The following UNC5D variants were observed in gnomAD, a reference collection of about 807,000 sequenced individuals.
UNC5D encodes the protein netrin receptor UNC5D.
Under a neutral mutation model 105.4 loss-of-function variants are expected in UNC5D, and 39 were observed. That is an observed-to-expected ratio of 0.37 (90% CI 0.29 to 0.48). The LOEUF is 0.48. Among genes scored for constraint, UNC5D ranks in the 20% least tolerant of loss-of-function variants. UNC5D has a pLI of 0.98. For missense variants in UNC5D, 991 were observed against 1,202.4 expected (o/e 0.82, Z 2.60); for synonymous variants, 452 against 450.4 (o/e 1.00, Z -0.04).
chr8:35,296,855 A>G lies in UNC5D; in HGVS notation c.103+60968A>G, dbSNP rs1563289982. Among the ~76,000 whole-genome samples, 3 of 152,192 alleles carry G rather than the reference A, an allele frequency of 2.0e-5. 1 individual carries two copies. Among genetic ancestry groups the G allele is most frequent in the African/African-American group, 7.2e-5 (3 of 41,454 alleles). On this transcript the variant is annotated intron_variant, in intron 1 of 16. Coordinates refer to ENST00000404895, the MANE Select transcript of UNC5D (RefSeq NM_080872.4). ...CTCTCCCTTATACACAACACCACTC[A>G]TTGTACTGTGATACCCATATTTTTA...
intron 4 of UNC5D, among the ~76,000 whole-genome samples, chr8:35,626,509 G>T (rs1821707733): frequency 6.6e-6 from 1 of 152,258 alleles, no homozygotes; most frequent in African/African-American, 2.4e-5. Context: ...GAATGAAAAT[G>T]ATTAATTAGA....
chr8:35,684,659 C>A lies in UNC5D; in HGVS notation c.829C>A (p.Arg277=). ...TGGTAGAGGATGGCAGAAACGTTCC[C>A]GGACCTGCACCAACCCAGCTCCTCT... ...RCGRGWQKRS[R]TCTNPAPLNG... The change falls in exon 6 of 17, where the codon CGG becomes AGG. Residue 277 remains arginine, a synonymous_variant. Coordinates refer to ENST00000404895, the MANE Select transcript of UNC5D (RefSeq NM_080872.4). The A allele has an allele frequency of 3.7e-6, 6 of 1,613,934 alleles. No homozygotes were observed. The highest frequency in any genetic ancestry group is 4.2e-6 in the Non-Finnish European group (5 of 1,179,976).
chr8:35,706,902 A>T (rs1484899162), intron 8 of UNC5D, among the ~76,000 whole-genome samples: 1 of 152,164 alleles, frequency 6.6e-6, no homozygotes, highest in East Asian at 1.9e-4. Flanking sequence ...ATTCTCATAC[A>T]TCAGAAATAT....
intron 15 of UNC5D, 117 bp from the exon 16 acceptor site, chr8:35,774,182 C>A: frequency 1.8e-6 from 2 of 1,137,996 alleles, no homozygotes; most frequent in South Asian, 1.5e-5. Context: ...TAGAGTCCAT[C>A]ACAACAGGCA....
At chr8:35,441,097 C>T (rs971811067) in intron 1 of UNC5D, among the ~76,000 whole-genome samples, 1 of 151,860 alleles carries the variant, frequency 6.6e-6, no homozygotes, top group Non-Finnish European at 1.5e-5. Flanking sequence ...TTTCTTATAC[C>T]AGTAGACCTT....
chr8:35,738,256 T>TCAGTTTTATCATCTAC (rs998977720), intron 11 of UNC5D, among the ~76,000 whole-genome samples: 1 of 152,228 alleles, frequency 6.6e-6, no homozygotes, highest in African/African-American at 2.4e-5. Flanking sequence ...TCTCTAGGCC[T>TCAGTTTTATCATCTAC]CAGTTTTATC....
At chr8:35,329,429 G>T (rs1295989046) in intron 1 of UNC5D, among the ~76,000 whole-genome samples, 1 of 138,760 alleles carries the variant, frequency 7.2e-6, no homozygotes, top group Non-Finnish European at 1.6e-5. Flanking sequence ...ATATATATAT[G>T]GGGAAAAAAA....
intron 1 of UNC5D, among the ~76,000 whole-genome samples, chr8:35,263,941 A>C (rs2128825021): frequency 6.6e-6 from 1 of 152,376 alleles, no homozygotes; most frequent in East Asian, 1.9e-4. Context: ...CAAGTTTATC[A>C]GAAAATAATG....
At chr8:35,772,772 G>A (rs1284503659) in intron 15 of UNC5D, among the ~76,000 whole-genome samples, 1 of 150,474 alleles carries the variant, frequency 6.6e-6, no homozygotes, top group Non-Finnish European at 1.5e-5. Context: ...GTGTTGGCCA[G>A]GGCATGTTCT....
At chr8:35,704,080 C>T (rs546972021) in intron 7 of UNC5D, among the ~76,000 whole-genome samples, 1 of 152,308 alleles carries the variant, frequency 6.6e-6, no homozygotes, top group Admixed American at 6.5e-5. Flanking sequence ...AAAAATCTGA[C>T]TATGATCATA....
chr8:35,607,767 C>T (rs1820402637), intron 4 of UNC5D, among the ~76,000 whole-genome samples: 1 of 151,980 alleles, frequency 6.6e-6, no homozygotes, highest in South Asian at 2.1e-4. Context: ...TGAAGAGGTA[C>T]CTTGCTTCCC....
At chr8:35,551,541 C>T (rs773648419) in intron 2 of UNC5D, among the ~76,000 whole-genome samples, 2 of 152,038 alleles carry the variant, frequency 1.3e-5, no homozygotes, top group East Asian at 1.9e-4. Context: ...CCAGGGGAGC[C>T]GGGTGCGGTG....
chr8:35,301,408 C>G (rs1199118318), intron 1 of UNC5D, among the ~76,000 whole-genome samples: 1 of 152,148 alleles, frequency 6.6e-6, no homozygotes, highest in Non-Finnish European at 1.5e-5. Context: ...GTTATCTAAG[C>G]AAAACCAATT....
At chr8:35,274,133 G>A (rs960098080) in intron 1 of UNC5D, among the ~76,000 whole-genome samples, 1 of 152,076 alleles carries the variant, frequency 6.6e-6, no homozygotes, top group South Asian at 2.1e-4. Context: ...GTTCAAAAGA[G>A]CTTGCTGGTA....
intron 1 of UNC5D, among the ~76,000 whole-genome samples, chr8:35,298,227 T>C (rs1434357647): frequency 6.6e-6 from 1 of 152,188 alleles, no homozygotes; most frequent in African/African-American, 2.4e-5. Context: ...AGTCCCTGGC[T>C]CTTTCCAAGT....
chr8:35,785,887 C>G (rs543142975), intron 16 of UNC5D, among the ~76,000 whole-genome samples: 2 of 152,098 alleles, frequency 1.3e-5, no homozygotes, highest in Non-Finnish European at 2.9e-5. Flanking sequence ...TCCTCATTGG[C>G]CAAGTACTAT....
intron 1 of UNC5D, among the ~76,000 whole-genome samples, chr8:35,348,228 C>CA (rs902699095): frequency 2.2e-4 from 33 of 150,888 alleles, no homozygotes; most frequent in Non-Finnish European, 3.6e-4. Flanking sequence ...GTTGTTTTAC[C>CA]AAAAAAAATT....
At chr8:35,432,481 A>T (rs77686568) in intron 1 of UNC5D, among the ~76,000 whole-genome samples, 3,656 of 152,172 alleles carry the variant, frequency 0.024, 151 homozygotes, top group African/African-American at 0.084. Flanking sequence ...CCCCACATCC[A>T]CTTCACTCTT....
chr8:35,470,767 A>T (rs1408726678), intron 1 of UNC5D, among the ~76,000 whole-genome samples: 3 of 139,304 alleles, frequency 2.2e-5, no homozygotes, highest in East Asian at 2.1e-4. Flanking sequence ...AGACTTTCTC[A>T]AAATAAATAA....
Sources: allele counts gnomAD v4.1 joint callset (sites outside exome capture counted in the v4.1 genomes callset), GRCh38; gene constraint gnomAD v4.1.1; transcripts MANE v1.5; gene names NCBI Gene and HGNC (gene_info 2026-07-23, HGNC 2026-07-21).